Variants in OSBP observed in about 807,000 individuals in gnomAD.
OSBP encodes oxysterol binding protein.
OSBP carries 32 observed loss-of-function variants against 96.6 expected under a neutral mutation model. That is an observed-to-expected ratio of 0.33 (90% CI 0.25 to 0.45). OSBP has a LOEUF of 0.45. OSBP is among the 20% of genes least tolerant of loss of function. OSBP has a pLI of 1.00. For missense variants in OSBP, 653 were observed against 1,029.7 expected (o/e 0.63, Z 5.01); for synonymous variants, 369 against 389.6 (o/e 0.95, Z 0.62).
chr11:59,611,714 C>T (rs1860851141), intron 1 of OSBP, among the ~76,000 whole-genome samples: 1 of 152,118 alleles, frequency 6.6e-6, no homozygotes, highest in South Asian at 2.1e-4. Flanking sequence ...CTATTAATAG[C>T]TAGGAAAGAT....
rs528451829 is a variant in OSBP at position 59,593,662 on chromosome 11, A to G, written c.1620T>C (p.Arg540=). Residue 540 remains arginine (R), a synonymous_variant, in exon 9 of 14, where the codon CGT becomes CGC. Transcript: ENST00000263847. ...ACTTGCTGGTGATTTTGATTTCCTG[A>G]CGCAATGTCCAGCCATTTTTGGACT... ...HAESKNGWTL[R]QEIKITSKFR... is the part of the protein sequence containing the mutation. 7.4e-6 allele frequency: 12 copies of G among 1,613,972 alleles called. No individual in the cohort carries two copies. The highest frequency in any genetic ancestry group is 1.7e-5 in the Admixed American group (1 of 60,002).
chr11:59,608,188 A>G (rs1184770192), intron 3 of OSBP, among the ~76,000 whole-genome samples: 1 of 152,228 alleles, frequency 6.6e-6, no homozygotes, highest in African/African-American at 2.4e-5. Flanking sequence ...TAAGGGACTC[A>G]GCTAATACTG....
intron 7 of OSBP, among the ~76,000 whole-genome samples, chr11:59,598,647 T>A (rs1342666001): frequency 6.6e-6 from 1 of 152,184 alleles, no homozygotes; most frequent in Non-Finnish European, 1.5e-5. Context: ...TGGAGTATAG[T>A]GGTGCGATCT....
intron 9 of OSBP, among the ~76,000 whole-genome samples, chr11:59,586,185 A>G (rs902716202): frequency 1.0e-4 from 15 of 150,028 alleles, no homozygotes; most frequent in African/African-American, 3.5e-4. Flanking sequence ...AAAGAAAAAA[A>G]AAAAAAGAAA....
chr11:59,607,509 C>T (rs755689005), intron 3 of OSBP, among the ~76,000 whole-genome samples: 3 of 151,866 alleles, frequency 2.0e-5, no homozygotes, highest in South Asian at 2.1e-4. Flanking sequence ...ATGAGAAAAA[C>T]GATACTTTCC....
chr11:59,586,239 A>G (rs1860499060), intron 9 of OSBP, among the ~76,000 whole-genome samples: 1 of 152,104 alleles, frequency 6.6e-6, no homozygotes, highest in African/African-American at 2.4e-5. Flanking sequence ...AACAGGGTAT[A>G]AAGTCAACAC....
At chr11:59,579,283 G>A (rs375920428) in intron 11 of OSBP, among the ~76,000 whole-genome samples, 5 of 151,218 alleles carry the variant, frequency 3.3e-5, no homozygotes, top group African/African-American at 1.2e-4. Context: ...CCTTTTTCCT[G>A]AAATCTTTTA....
At chr11:59,595,822 T>C (rs1227742339) in intron 7 of OSBP, among the ~76,000 whole-genome samples, 1 of 151,146 alleles carries the variant, frequency 6.6e-6, no homozygotes, top group Non-Finnish European at 1.5e-5. Context: ...CGTGCACCTG[T>C]AGTCTCAGTT....
chr11:59,584,668 A>G (rs1303692608), intron 9 of OSBP, among the ~76,000 whole-genome samples: 1 of 152,112 alleles, frequency 6.6e-6, no homozygotes. Flanking sequence ...ACATATGAAA[A>G]CCCCACAGCA....
intron 9 of OSBP, among the ~76,000 whole-genome samples, chr11:59,593,289 A>C (rs1860608128): frequency 6.6e-6 from 1 of 152,168 alleles, no homozygotes; most frequent in Non-Finnish European, 1.5e-5. Context: ...GTAAGGAAGA[A>C]AACACCACCA....
At chr11:59,595,950 A>AATAAATAC (rs1240126111) in intron 7 of OSBP, among the ~76,000 whole-genome samples, 1 of 98,494 alleles carries the variant, frequency 1.0e-5, no homozygotes, top group East Asian at 2.9e-4. Flanking sequence ...TCTAAAAATA[A>AATAAATAC]ATAAATAAAT....
rs1565112693 is a variant in OSBP, at chr11:59,576,567, T to C, written c.*10A>G. 1 of 1,611,340 alleles carries C rather than the reference T, an allele frequency of 6.2e-7. No individual in the cohort carries two copies. The highest frequency in any genetic ancestry group is 2.2e-5 in the East Asian group (1 of 44,870). ...TCCATTATATGCTCCTCTTTTTTGT[T>C]ACTGCCGTTTCAGAAAATGTCCGGG... On this transcript the variant is annotated 3_prime_UTR_variant, in exon 14 of 14. Transcript: ENST00000263847.
chr11:59,586,306 T>C (rs1860499741), intron 9 of OSBP, among the ~76,000 whole-genome samples: 1 of 151,958 alleles, frequency 6.6e-6, no homozygotes, highest in Non-Finnish European at 1.5e-5. Context: ...GGAAAGGATA[T>C]TAAGAACAAT....
In OSBP at chr11:59,615,417, C is replaced by A. The variant is rs1304016193; in HGVS notation, c.248G>T (p.Gly83Val). Residue 83 changes from glycine to valine, a missense_variant, in exon 1 of 14, where the codon GGC (glycine) becomes GTC (valine). This residue lies in a region of OSBP where 151 missense variants were observed against 146.1 expected (regional missense o/e 1.03). Transcript: ENST00000263847. ...TCGAGCCGAGCCCGAACCCCCAGCG[C>A]CCGAGCCGCCCGAGCCCCCAGTCGG... is the stretch of plus-strand genomic sequence containing the variant. ...APPTGGSGGS[G>V]AGGSGSAREG... 1 of 1,515,684 alleles carries A rather than the reference C, an allele frequency of 6.6e-7. No individual in the cohort carries two copies. Among genetic ancestry groups the A allele is most frequent in the South Asian group, 1.2e-5 (1 of 84,320 alleles). 93.9% of individuals were successfully genotyped at this position (1,515,684 alleles called of 1,614,324 possible).
In OSBP at chr11:59,576,731, A is replaced by C. The variant is rs774677995; in HGVS notation, c.2282-12T>G. 3 of 1,611,892 alleles carry C rather than the reference A, an allele frequency of 1.9e-6. No individual in the cohort carries two copies. In the Admixed American group the frequency reaches 5.1e-5, roughly 27 times the overall value. On this transcript the variant is annotated splice_polypyrimidine_tract_variant and intron_variant, in intron 13 of 13. Transcript: ENST00000263847. ...ATCATATGGTGTGCCTAAAAGGAAA[A>C]GAGAGGAAAGAAAAAAATTAGTGCT...
intron 9 of OSBP, among the ~76,000 whole-genome samples, chr11:59,591,051 G>C (rs1326756612): frequency 6.6e-6 from 1 of 152,186 alleles, no homozygotes; most frequent in Non-Finnish European, 1.5e-5. Flanking sequence ...GATATGTGGA[G>C]GAACTTAACA....
chr11:59,600,791 CCT>C, intron 6 of OSBP, 26 bp downstream of exon 6: 1 of 1,604,318 alleles, frequency 6.2e-7, no homozygotes, highest in Non-Finnish European at 8.5e-7. Context: ...ACGTCCCTCA[CCT>C]CTGAGATCTC....
chr11:59,596,208 G>A lies in OSBP; in HGVS notation c.1312-1953C>T, dbSNP rs529320631. The stretch of plus-strand genomic sequence containing the variant: ...ACACAAATGCACACTGAGGGGTGGC[G>A]CGCTGCAAAAGCCATAATCCTCGAT... On this transcript the variant is annotated intron_variant, in intron 7 of 13. Transcript: ENST00000263847. Among the ~76,000 whole-genome samples the A allele has an allele frequency of 1.8e-4, 28 of 152,074 alleles. No homozygotes were observed. The East Asian group carries it at 2.5e-3, about 14-fold the overall frequency.
chr11:59,581,875 A>G (rs950895295), intron 9 of OSBP, among the ~76,000 whole-genome samples: 5 of 152,262 alleles, frequency 3.3e-5, no homozygotes, highest in Non-Finnish European at 7.3e-5. Context: ...CCCAACATGC[A>G]TCATGGAAGT....
Sources: gnomAD v4.1 joint callset for allele counts (sites outside exome capture counted in the v4.1 genomes callset) on GRCh38, gnomAD v4.1.1 for gene constraint, gnomAD v4.1.1 regional missense constraint, MANE v1.5 for transcripts, NCBI Gene and HGNC (gene_info 2026-07-23, HGNC 2026-07-21) for gene names.